Variants in PIWIL2 observed in about 807,000 individuals in gnomAD.
PIWIL2 encodes piwi like RNA-mediated gene silencing 2, also known as piwi-like protein 2.
PIWIL2 carries 81 observed loss-of-function variants against 116.5 expected under a neutral mutation model. That is an observed-to-expected ratio of 0.70 (90% CI 0.58 to 0.84). The LOEUF (loss-of-function observed/expected upper bound fraction) is 0.84, where lower values mean the gene tolerates loss of function less well. PIWIL2 is among the 40% of genes least tolerant of loss of function. PIWIL2 has a pLI of 0.00. For missense variants in PIWIL2, 1,272 were observed against 1,212.3 expected (o/e 1.05, Z -0.73); for synonymous variants, 489 against 429.5 (o/e 1.14, Z -1.71).
chr8:22,295,976 C>G (rs965522767), intron 10 of PIWIL2, among the ~76,000 whole-genome samples: 32 of 150,946 alleles, frequency 2.1e-4, no homozygotes, highest in African/African-American at 7.5e-4. Context: ...TGGTTGCTCT[C>G]CCGGCTGGCT....
At chr8:22,293,895 T>A (rs981094594) in intron 10 of PIWIL2, among the ~76,000 whole-genome samples, 1 of 152,228 alleles carries the variant, frequency 6.6e-6, no homozygotes, top group Non-Finnish European at 1.5e-5. Flanking sequence ...ATGGTGAATG[T>A]CACCCACATA....
At chr8:22,296,795 A>G (rs751159632) in intron 10 of PIWIL2, among the ~76,000 whole-genome samples, 24 of 152,204 alleles carry the variant, frequency 1.6e-4, no homozygotes, top group Non-Finnish European at 2.9e-4. Context: ...TCACTATTCT[A>G]TATGAGATTA....
Position 22,314,405 on chromosome 8 carries a change from T to C in PIWIL2, c.2067T>C (p.Cys689=). 1.3e-6 allele frequency: 2 copies of C among 1,582,580 alleles called. No homozygotes were observed. Among genetic ancestry groups the C allele is most frequent in the South Asian group, 2.3e-5 (2 of 85,962 alleles). ...DLYGAIKKLC[C]VQSPVPSQVV... ...ATGGGGCCATCAAGAAGCTGTGCTG[T>C]GTGCAGTCCCCAGTGCCCTCCCAGG... The change falls in exon 17 of 23, where the codon TGT becomes TGC. Residue 689 remains cysteine (C), a synonymous_variant. Coordinates refer to ENST00000356766, the MANE Select transcript of PIWIL2 (RefSeq NM_018068.5).
chr8:22,292,313 T>C (rs1428612271), intron 10 of PIWIL2, among the ~76,000 whole-genome samples: 1 of 152,182 alleles, frequency 6.6e-6, no homozygotes, highest in Non-Finnish European at 1.5e-5. Context: ...GTGTGGAGAA[T>C]AGACTTGGCT....
At chr8:22,325,336 C>T (rs539265233) in intron 20 of PIWIL2, among the ~76,000 whole-genome samples, 2 of 152,254 alleles carry the variant, frequency 1.3e-5, no homozygotes, top group East Asian at 3.9e-4. Flanking sequence ...TTCAGGTTTT[C>T]CTTTCTTCCA....
intron 10 of PIWIL2, among the ~76,000 whole-genome samples, chr8:22,298,652 C>A (rs1267539098): frequency 1.3e-5 from 2 of 152,184 alleles, no homozygotes; most frequent in Non-Finnish European, 2.9e-5. Context: ...TTGGTTGGAC[C>A]TTCAGAATTG....
chr8:22,318,526 C>T (rs1831521719), intron 20 of PIWIL2, among the ~76,000 whole-genome samples: 1 of 152,138 alleles, frequency 6.6e-6, no homozygotes. Context: ...CCATGTTGGC[C>T]AGGCTGGTTT....
intron 20 of PIWIL2, among the ~76,000 whole-genome samples, chr8:22,332,093 T>C (rs1465992524): frequency 6.6e-6 from 1 of 152,030 alleles, no homozygotes; most frequent in Non-Finnish European, 1.5e-5. Context: ...GGATCACTTA[T>C]GAAGTCAGGT....
At chr8:22,296,085 T>C (rs1830898812) in intron 10 of PIWIL2, among the ~76,000 whole-genome samples, 1 of 143,712 alleles carries the variant, frequency 7.0e-6, no homozygotes, top group African/African-American at 2.6e-5. Context: ...AGATGGAGTC[T>C]TGCTCTGTTG....
chr8:22,302,905 C>G (rs1466661958), intron 10 of PIWIL2, among the ~76,000 whole-genome samples: 1 of 152,220 alleles, frequency 6.6e-6, no homozygotes, highest in Non-Finnish European at 1.5e-5. Context: ...AGTTGATGCA[C>G]TGCCCACCTC....
intron 20 of PIWIL2, among the ~76,000 whole-genome samples, chr8:22,332,628 T>C (rs1052994925): frequency 2.6e-5 from 4 of 152,078 alleles, no homozygotes; most frequent in African/African-American, 9.7e-5. Context: ...AGGATCAATA[T>C]GGACTAATAG....
Position 22,354,284 on chromosome 8 carries a change from C to A in PIWIL2, c.2671C>A (p.Leu891Ile). 6.2e-7 allele frequency: 1 copy of A among 1,611,416 alleles called. No individual in the cohort carries two copies. The highest frequency in any genetic ancestry group is 8.5e-7 in the Non-Finnish European group (1 of 1,177,584). Residue 891 changes from leucine (L) to isoleucine (I), a missense_variant, in exon 22 of 23, where the codon CTT becomes ATT. Coordinates refer to ENST00000356766, the MANE Select transcript of PIWIL2 (RefSeq NM_018068.5). ...ITSCEWVDFY[L>I]LAHHVRQGCG... ...TTTCCTTCCTAGGGTGGATTTCTAT[C>A]TTCTTGCCCATCATGTACGGCAGGG... is the stretch of plus-strand genomic sequence containing the variant.
At chr8:22,335,928 G>A (rs1447203702) in intron 20 of PIWIL2, among the ~76,000 whole-genome samples, 1 of 152,112 alleles carries the variant, frequency 6.6e-6, no homozygotes, top group Non-Finnish European at 1.5e-5. Flanking sequence ...AATAGCAAAA[G>A]AGTCAATCCA....
intron 20 of PIWIL2, among the ~76,000 whole-genome samples, chr8:22,343,713 T>C (rs898419382): frequency 6.6e-6 from 1 of 152,172 alleles, no homozygotes; most frequent in African/African-American, 2.4e-5. Flanking sequence ...CTATAAATGA[T>C]CAGAATTCAA....
intron 20 of PIWIL2, among the ~76,000 whole-genome samples, chr8:22,349,484 G>A (rs1375059195): frequency 2.0e-5 from 3 of 149,772 alleles, no homozygotes; most frequent in African/African-American, 7.4e-5. Flanking sequence ...TGAGAAGAAG[G>A]TGAGATGATC....
chr8:22,286,919 G>A (rs1830641496), intron 6 of PIWIL2, among the ~76,000 whole-genome samples: 1 of 151,728 alleles, frequency 6.6e-6, no homozygotes, highest in African/African-American at 2.4e-5. Context: ...ACCGAGCCAG[G>A]GCAAAAAAAA....
chr8:22,355,143 CA>C (rs1832461591), intron 22 of PIWIL2, among the ~76,000 whole-genome samples: 1 of 150,688 alleles, frequency 6.6e-6, no homozygotes, highest in South Asian at 2.1e-4. Flanking sequence ...AAGATTTACC[CA>C]TGTCGTCTGA....
intron 14 of PIWIL2, among the ~76,000 whole-genome samples, chr8:22,309,697 G>C (rs1055814030): frequency 4.6e-5 from 7 of 152,200 alleles, no homozygotes; most frequent in Non-Finnish European, 1.5e-5. Context: ...AATAGACAAT[G>C]TTTTCAAATC....
At position 22,318,276 on chromosome 8, in the gene PIWIL2, G is replaced by T; in HGVS notation, c.2403+1G>T. 1.3e-6 allele frequency: 2 copies of T among 1,524,610 alleles called. No homozygotes were observed. The highest frequency in any genetic ancestry group is 1.8e-6 in the Non-Finnish European group (2 of 1,104,356). 94.4% of individuals were successfully genotyped at this position (1,524,610 alleles called of 1,614,324 possible). A position where few individuals can be genotyped will look rare whatever the true frequency, so the allele number is the denominator to read the frequency against. ...GGGCTCCTTAAAAAAGTTTTATGAG[G>T]TGAGGAGAACAGAAATTCTCAGGCT... On this transcript the variant is annotated splice_donor_variant, in intron 20 of 22. Transcript: ENST00000356766. LOFTEE classifies it high-confidence loss of function.
Sources: gnomAD v4.1 joint callset for allele counts (sites outside exome capture counted in the v4.1 genomes callset) on GRCh38, gnomAD v4.1.1 for gene constraint, MANE v1.5 for transcripts, NCBI Gene and HGNC (gene_info 2026-07-23, HGNC 2026-07-21) for gene names.